SDCBP: variants seen among roughly 807,000 people sequenced by gnomAD.
SDCBP encodes the protein syntenin-1.
A neutral mutation model predicts 30.5 loss-of-function variants in SDCBP; 22 were observed. The ratio of observed to expected loss-of-function variants is 0.72; its 90% CI spans 0.52 to 1.03. The LOEUF (loss-of-function observed/expected upper bound fraction) is 1.03. Ranked by LOEUF, SDCBP falls within the 50% of genes least tolerant of loss-of-function variation. SDCBP has a pLI of 0.00. For synonymous variants in SDCBP, 103 were observed against 118.7 expected (o/e 0.87, Z 0.86); for missense variants, 304 against 369.9 (o/e 0.82, Z 1.46).
At chr8:58,576,726 T>C (rs899375157) in intron 5 of SDCBP, among the ~76,000 whole-genome samples, 4 of 152,238 alleles carry the variant, frequency 2.6e-5, no homozygotes, top group Non-Finnish European at 2.9e-5. Context: ...TGAGGAACCA[T>C]TTATAATTGT....
intron 1 of SDCBP, among the ~76,000 whole-genome samples, chr8:58,558,698 G>C (rs903292761): frequency 6.6e-6 from 1 of 152,190 alleles, no homozygotes; most frequent in Non-Finnish European, 1.5e-5. Context: ...AGAGTTGAGA[G>C]GAGTTGGGAG....
chr8:58,565,163 C>A, intron 2 of SDCBP, 79 bp downstream of exon 2: 1 of 637,332 alleles, frequency 1.6e-6, no homozygotes, highest in Non-Finnish European at 2.7e-6. Context: ...AGCAAGATAG[C>A]TAAATAGCAG....
At chr8:58,572,800 CTTTTTTTTT>C (rs947602204) in intron 4 of SDCBP, among the ~76,000 whole-genome samples, 127 of 83,154 alleles carry the variant, frequency 1.5e-3, no homozygotes, top group African/African-American at 6.0e-3. Context: ...TGCTCATAAT[CTTTTTTTTT>C]TTTTTTTTTT....
chr8:58,563,997 C>G (rs1222116023), intron 1 of SDCBP, among the ~76,000 whole-genome samples: 2 of 152,172 alleles, frequency 1.3e-5, no homozygotes, highest in African/African-American at 4.8e-5. Flanking sequence ...GGGTGAGCTT[C>G]TGCATGCTTG....
rs1030884013 is a variant in SDCBP at position 58,571,739 on chromosome 8, T to C, written c.131-466T>C. 1.4e-4 allele frequency among the ~76,000 whole-genome samples: 22 copies of C among 152,168 alleles called. 1 individual carries two copies. Among genetic ancestry groups the C allele is most frequent in the Non-Finnish European group, 2.9e-5 (2 of 67,996 alleles). On this transcript the variant is annotated intron_variant, in intron 3 of 8. Transcript: ENST00000260130. ...TTAAAATGATAAGACACTAAATAAA[T>C]TTACAAGCTTCCAAAAAAAATTGTT...
Position 58,579,752 on chromosome 8 carries a change from T to TAA in SDCBP, c.709_710dup (p.Asn237LysfsTer14). 6.2e-7 allele frequency: 1 copy of TAA among 1,612,470 alleles called. No homozygotes were observed. The highest frequency in any genetic ancestry group is 8.5e-7 in the Non-Finnish European group (1 of 1,179,340). ...CCAGAAATGGTCTTCTCACGGAACATAACATCTGTGAAATCAATGGACAGA... is the reference window on the plus strand; with the variant it reads ...CCAGAAATGGTCTTCTCACGGAACATAAAACATCTGTGAAATCAATGGACAGA... On this transcript the variant is annotated frameshift_variant, in exon 7 of 9. Coordinates refer to ENST00000260130, the MANE Select transcript of SDCBP (RefSeq NM_005625.4). LOFTEE classifies it high-confidence loss of function.
chr8:58,580,818 C>G (rs1585715528), intron 8 of SDCBP, among the ~76,000 whole-genome samples: 1 of 152,252 alleles, frequency 6.6e-6, no homozygotes, highest in East Asian at 1.9e-4. Context: ...CATATACTTT[C>G]CTCAGTTTTT....
At chr8:58,579,975 T>C in intron 7 of SDCBP, 181 bp downstream of exon 7, 7 of 480,408 alleles carry the variant, frequency 1.5e-5, no homozygotes, top group Non-Finnish European at 2.6e-5. Context: ...CTACAGTTCC[T>C]ATAACAAGTG....
intron 2 of SDCBP, among the ~76,000 whole-genome samples, chr8:58,570,224 C>T (rs928988466): frequency 6.6e-6 from 1 of 152,148 alleles, no homozygotes; most frequent in African/African-American, 2.4e-5. Flanking sequence ...GATACTTGAG[C>T]ATGAGTAGCA....
intron 1 of SDCBP, among the ~76,000 whole-genome samples, chr8:58,564,467 C>T (rs1410712939): frequency 6.6e-6 from 1 of 152,236 alleles, no homozygotes; most frequent in Non-Finnish European, 1.5e-5. Context: ...TCTTATTCCT[C>T]ACTCCTTTAC....
intron 2 of SDCBP, among the ~76,000 whole-genome samples, chr8:58,565,854 C>T (rs545710979): frequency 2.6e-5 from 4 of 152,064 alleles, no homozygotes; most frequent in African/African-American, 4.8e-5. Context: ...TTTCTTCAGC[C>T]GTTGTTTATT....
Position 58,582,832 on chromosome 8 carries a change from A to G in SDCBP, c.*1092A>G, listed in dbSNP as rs1413279447. ...TTATGTCTATTCTAATTAAATATGTATAAATAAAGTTACATTTTAGTCTGT... is the reference window on the plus strand; with the variant it reads ...TTATGTCTATTCTAATTAAATATGTGTAAATAAAGTTACATTTTAGTCTGT... On this transcript the variant is annotated 3_prime_UTR_variant, in exon 9 of 9. Transcript: ENST00000260130. 6.6e-6 allele frequency: 1 copy of G among 152,580 alleles called. No homozygotes were observed. The highest frequency in any genetic ancestry group is 1.5e-5 in the Non-Finnish European group (1 of 68,030). The allele number at this position is 152,580 out of a possible 1,614,324, so 9.5% of individuals were successfully genotyped here.
At chr8:58,569,372 C>G (rs1443245778) in intron 2 of SDCBP, among the ~76,000 whole-genome samples, 2 of 148,224 alleles carry the variant, frequency 1.3e-5, no homozygotes, top group Non-Finnish European at 2.9e-5. Context: ...CTGGCCAAAA[C>G]AATTTTTTGC....
At chr8:58,567,957 G>T (rs372165003) in intron 2 of SDCBP, among the ~76,000 whole-genome samples, 1 of 152,144 alleles carries the variant, frequency 6.6e-6, no homozygotes, top group East Asian at 1.9e-4. Context: ...TAGAAGTTGC[G>T]CTGGGTAAGT....
intron 3 of SDCBP, among the ~76,000 whole-genome samples, chr8:58,571,340 TC>T (rs923858001): frequency 6.6e-6 from 1 of 152,154 alleles, no homozygotes; most frequent in African/African-American, 2.4e-5. Flanking sequence ...CTTCTGTCTT[TC>T]CTATGGGAGC....
chr8:58,571,083 C>A, intron 3 of SDCBP, 118 bp downstream of exon 3: 1 of 652,818 alleles, frequency 1.5e-6, no homozygotes, highest in Non-Finnish European at 2.7e-6. Context: ...TAGTTAAGCT[C>A]AAATAGTTAT....
At chr8:58,556,830 C>T (rs963134826) in intron 1 of SDCBP, among the ~76,000 whole-genome samples, 6 of 143,004 alleles carry the variant, frequency 4.2e-5, no homozygotes, top group African/African-American at 1.0e-4. Context: ...TATATAAATA[C>T]ATATATATAT....
chr8:58,572,394 C>T, intron 4 of SDCBP, 80 bp downstream of exon 4: 1 of 927,880 alleles, frequency 1.1e-6, no homozygotes, highest in South Asian at 1.5e-5. Context: ...TTGTGGCTAA[C>T]TCACAGATAT....
intron 3 of SDCBP, among the ~76,000 whole-genome samples, chr8:58,571,677 C>T (rs1241205406): frequency 6.6e-6 from 1 of 151,976 alleles, no homozygotes; most frequent in Non-Finnish European, 1.5e-5. Flanking sequence ...TTTAAAAATA[C>T]CATTTCCAGG....
Sources: gnomAD v4.1 joint callset for allele counts (sites outside exome capture counted in the v4.1 genomes callset) on GRCh38, gnomAD v4.1.1 for gene constraint, MANE v1.5 for transcripts, NCBI Gene and HGNC (gene_info 2026-07-23, HGNC 2026-07-21) for gene names.